The following VSIG1 variants were observed in gnomAD, a reference collection of about 807,000 sequenced individuals.
The protein encoded by VSIG1 is V-set and immunoglobulin domain-containing protein 1.
Under a neutral mutation model 20.1 loss-of-function variants are expected in VSIG1, and 11 were observed. The ratio of observed to expected loss-of-function variants is 0.55; its 90% CI spans 0.34 to 0.91. The LOEUF (loss-of-function observed/expected upper bound fraction) is 0.91, where lower values mean the gene tolerates loss of function less well. Among genes scored for constraint, VSIG1 ranks in the 40% least tolerant of loss-of-function variants. VSIG1 has a pLI of 0.02. For synonymous variants in VSIG1, 126 were observed against 116.7 expected, an observed-to-expected ratio of 1.08 and a Z score of -0.52; for missense variants, 283 against 298.8, an observed-to-expected ratio of 0.95 and a Z score of 0.39.
At chrX:108,073,103 C>G (rs1190506462) in intron 4 of VSIG1, 147 bp from the exon 5 acceptor site, 4 of 701,213 alleles carry the variant, frequency 5.7e-6, no homozygotes, top group Non-Finnish European at 8.6e-6. Flanking sequence ...AGCACTGGAA[C>G]AGTCCTGAGG....
Position 108,045,095 on chromosome X carries a change from T to C in VSIG1, c.-36T>C. 8.7e-7 allele frequency: 1 copy of C among 1,144,881 alleles called. No homozygotes were observed. The highest frequency in any genetic ancestry group is 1.2e-6 in the Non-Finnish European group (1 of 856,153). 94.4% of individuals were successfully genotyped at this position (1,144,881 alleles called of 1,213,427 possible). On this transcript the variant is annotated 5_prime_UTR_variant, in exon 1 of 7. Transcript: ENST00000217957. ...GAGACTCAGCCTAGTCCAGGCAAGC[T>C]ACTGGCACCTGCTGCTCTCAACTAA...
rs770481164 is a variant in VSIG1 at position 108,077,440 on chromosome X, C to G, written c.*59C>G. 60 of 1,131,071 alleles carry G rather than the reference C, an allele frequency of 5.3e-5. No homozygotes were observed. Among genetic ancestry groups the G allele is most frequent in the Non-Finnish European group, 7.1e-5 (60 of 845,122 alleles). The allele number at this position is 1,131,071 out of a possible 1,213,427, so 93.2% of individuals were successfully genotyped here. On this transcript the variant is annotated 3_prime_UTR_variant, in exon 7 of 7. Transcript: ENST00000217957. ...GAACCCATTACTGCCATTTGGAATT[C>G]AAATAACCTAACCAACCTCCACCTC... is the stretch of plus-strand genomic sequence containing the variant.
chrX:108,033,986 C>G, the VSIG1 span, among the ~76,000 whole-genome samples: 2 of 110,496 alleles, frequency 1.8e-5, no homozygotes, highest in East Asian at 5.7e-4. Flanking sequence ...AAGGAAGACA[C>G]AATTTATTTG....
chrX:108,032,125 C>T, the VSIG1 span, among the ~76,000 whole-genome samples: 3 of 112,349 alleles, frequency 2.7e-5, no homozygotes, highest in Middle Eastern at 4.6e-3. Flanking sequence ...CAAGCCTTCA[C>T]CAATTTCTTC....
At chrX:108,067,363 A>G (rs1187979753) in intron 3 of VSIG1, among the ~76,000 whole-genome samples, 3 of 111,701 alleles carry the variant, frequency 2.7e-5, no homozygotes, top group Non-Finnish European at 3.8e-5. Flanking sequence ...CCAAAATGAC[A>G]GCAGTAGATG....
intron 2 of VSIG1, among the ~76,000 whole-genome samples, chrX:108,063,059 T>C (rs1165847123): frequency 8.9e-6 from 1 of 112,222 alleles, no homozygotes; most frequent in Non-Finnish European, 1.9e-5. Flanking sequence ...CTTGTGTGAA[T>C]AGGAACTTGG....
chrX:108,076,981 G>T, intron 6 of VSIG1, 67 bp from the exon 7 acceptor site: 1 of 1,041,352 alleles, frequency 9.6e-7, no homozygotes, highest in Non-Finnish European at 1.3e-6. Flanking sequence ...AGAACATATG[G>T]TTTCACATGA....
intron 3 of VSIG1, among the ~76,000 whole-genome samples, chrX:108,071,088 A>G (rs1362682085): frequency 8.9e-6 from 1 of 111,848 alleles, no homozygotes; most frequent in East Asian, 2.8e-4. Flanking sequence ...AGGTTTGGCT[A>G]AGTTAGGTAA....
the VSIG1 span, among the ~76,000 whole-genome samples, chrX:108,027,251 C>T: frequency 3.6e-5 from 4 of 111,518 alleles, no homozygotes; most frequent in Admixed American, 9.6e-5. Flanking sequence ...TTCATCATAG[C>T]CAAAATGTGG....
chrX:108,024,301 G>A, the VSIG1 span, among the ~76,000 whole-genome samples: 12 of 110,925 alleles, frequency 1.1e-4, no homozygotes, highest in Admixed American at 8.6e-4. Context: ...AATGTCCTGA[G>A]TCCGACTCTT....
intron 1 of VSIG1, among the ~76,000 whole-genome samples, chrX:108,054,338 C>A (rs758840495): frequency 9.0e-6 from 1 of 111,306 alleles, no homozygotes; most frequent in East Asian, 2.8e-4. Context: ...ATTCAATACC[C>A]CCTCTCAGAA....
chrX:108,047,855 T>TATATATATATACACATATATATAGAC (rs1569287117), intron 1 of VSIG1, among the ~76,000 whole-genome samples: 1 of 39,586 alleles, frequency 2.5e-5, no homozygotes. Flanking sequence ...CATATATATA[T>TATATATATATACACATATATATAGAC]ACACATATAT....
At chrX:108,037,827 C>G in the VSIG1 span, among the ~76,000 whole-genome samples, 1 of 112,153 alleles carries the variant, frequency 8.9e-6, no homozygotes, top group African/African-American at 3.2e-5. Flanking sequence ...AACTTACATT[C>G]TAGCTGGGTG....
intron 1 of VSIG1, among the ~76,000 whole-genome samples, chrX:108,049,011 C>A (rs2030728592): frequency 8.9e-6 from 1 of 112,175 alleles, no homozygotes; most frequent in Admixed American, 9.4e-5. Context: ...ATCACTATAT[C>A]ATGGTTGGAC....
the VSIG1 span, among the ~76,000 whole-genome samples, chrX:108,035,358 G>A: frequency 8.2e-5 from 9 of 110,389 alleles, no homozygotes; most frequent in Non-Finnish European, 1.7e-4. Context: ...CCTCAGCCCC[G>A]CAAAGTGCTG....
the VSIG1 span, among the ~76,000 whole-genome samples, chrX:108,038,408 T>A: frequency 8.9e-6 from 1 of 111,832 alleles, no homozygotes; most frequent in African/African-American, 3.3e-5. Flanking sequence ...GCTTCATCCA[T>A]GTCCCTGCAA....
At chrX:108,036,862 C>G in the VSIG1 span, among the ~76,000 whole-genome samples, 1 of 111,735 alleles carries the variant, frequency 8.9e-6, no homozygotes, top group Admixed American at 9.5e-5. Context: ...AAATTACTGT[C>G]CTTATGCGTG....
At chrX:108,068,876 G>A (rs1442704201) in intron 3 of VSIG1, among the ~76,000 whole-genome samples, 1 of 112,056 alleles carries the variant, frequency 8.9e-6, no homozygotes, top group East Asian at 2.8e-4. Context: ...CCTTATACAA[G>A]TCAGTCCACC....
the VSIG1 span, among the ~76,000 whole-genome samples, chrX:108,022,003 T>C: frequency 8.9e-6 from 1 of 112,154 alleles, no homozygotes; most frequent in South Asian, 3.7e-4. Context: ...TCCAGCTTTG[T>C]TGTTTTTTAA....
Sources: allele counts gnomAD v4.1 joint callset (sites outside exome capture counted in the v4.1 genomes callset), GRCh38; gene constraint gnomAD v4.1.1; transcripts MANE v1.5; gene names NCBI Gene and HGNC (gene_info 2026-07-23, HGNC 2026-07-21).